DNAJA4: variants seen among roughly 807,000 people sequenced by gnomAD.
DNAJA4 encodes the protein DnaJ heat shock protein family (Hsp40) member A4, also known as dnaJ homolog subfamily A member 4.
Under a neutral mutation model 39.7 loss-of-function variants are expected in DNAJA4, and 32 were observed. The observed-to-expected ratio is 0.81, with a 90% confidence interval of 0.61 to 1.08. The LOEUF (loss-of-function observed/expected upper bound fraction) is 1.08, where lower values mean the gene tolerates loss of function less well. DNAJA4 is among the 50% of genes least tolerant of loss of function. The probability of loss-of-function intolerance (pLI) is 0.00; values close to 1 mark genes in which losing one functional copy is unlikely to be tolerated. For missense variants in DNAJA4, 439 were observed against 505.1 expected (o/e 0.87, Z 1.25); for synonymous variants, 184 against 182.4 (o/e 1.01, Z -0.07).
At position 78,279,909 on chromosome 15, in the gene DNAJA4, T is replaced by G; in HGVS notation, c.878-136T>G. 1.3e-6 allele frequency: 1 copy of G among 746,824 alleles called. No homozygotes were observed. The allele number at this position is 746,824 out of a possible 1,614,324, so 46.3% of individuals were successfully genotyped here. A position where few individuals can be genotyped will look rare whatever the true frequency, so the allele number is the denominator to read the frequency against. On this transcript the variant is annotated intron_variant, in intron 5 of 6. Transcript: ENST00000394852. The surrounding 1 kb of genome is among the most constrained non-coding windows in gnomAD (Gnocchi z 4.5). ...AAGGATACCTGGGATTGGGGCCAGC[T>G]TTCCAGTCAGATGCCACGTTTCCTT... is the stretch of plus-strand genomic sequence containing the variant.
At chr15:78,271,858 C>G (rs2049307093) in intron 2 of DNAJA4, among the ~76,000 whole-genome samples, 1 of 152,100 alleles carries the variant, frequency 6.6e-6, no homozygotes, top group South Asian at 2.1e-4. Flanking sequence ...TGAGCTCTGC[C>G]TTGGGGTTTA....
At position 78,264,589 on chromosome 15, in the gene DNAJA4, GGTCC is replaced by G. The variant is rs2049062014; in HGVS notation, c.-173_-170del. 2 of 1,180,950 alleles carry G rather than the reference GGTCC, an allele frequency of 1.7e-6. No individual in the cohort carries two copies. The highest frequency in any genetic ancestry group is 4.5e-5 in the Admixed American group (1 of 22,072). The allele number at this position is 1,180,950 out of a possible 1,614,324, so 73.2% of individuals were successfully genotyped here. ...TGCGGTGGAGCCAGGCGTGGAAGTC[GGTCC>G]GGCGCGGGGCGGGGGGCGGGCGGGA... On this transcript the variant is annotated 5_prime_UTR_variant, in exon 1 of 7. Coordinates refer to ENST00000394852, the MANE Select transcript of DNAJA4 (RefSeq NM_001130182.2).
chr15:78,268,707 C>G (rs546458256), intron 1 of DNAJA4, among the ~76,000 whole-genome samples: 1 of 152,180 alleles, frequency 6.6e-6, no homozygotes, highest in African/African-American at 2.4e-5. Flanking sequence ...TTCCCAGAAT[C>G]GAGCCATTCA....
chr15:78,264,401 G>T (rs1595920454), upstream of DNAJA4: 15 of 1,383,928 alleles, frequency 1.1e-5, no homozygotes, highest in Non-Finnish European at 1.4e-5. Context: ...CAGGTGAGCG[G>T]CTGGGCCGCG....
chr15:78,265,299 G>C (rs1213199611), intron 1 of DNAJA4, among the ~76,000 whole-genome samples: 3 of 152,234 alleles, frequency 2.0e-5, no homozygotes, highest in Admixed American at 2.0e-4. Context: ...TGCTGGGAAC[G>C]ACTGGCTCAT....
rs2049242315 is a variant in DNAJA4 at position 78,269,728 on chromosome 15, A to G, written c.133-769A>G. Reference sequence around the variant, plus strand: ...CCATTTTTTTTTTTCTCCCCTGTGCAGGATCTGATCCAGGATCACACATTG... The same window carrying G: ...CCATTTTTTTTTTTCTCCCCTGTGCGGGATCTGATCCAGGATCACACATTG... On this transcript the variant is annotated intron_variant, in intron 1 of 6. Transcript: ENST00000394852. Among the ~76,000 whole-genome samples, 3 of 152,002 alleles carry G rather than the reference A, an allele frequency of 2.0e-5. No individual in the cohort carries two copies. The South Asian group carries it at 6.3e-4, about 32-fold the overall frequency.
Position 78,274,380 on chromosome 15 carries a change from A to T in DNAJA4, c.602A>T (p.Lys201Met). 3 of 1,614,240 alleles carry T rather than the reference A, an allele frequency of 1.9e-6. No homozygotes were observed. Among genetic ancestry groups the T allele is most frequent in the Non-Finnish European group, 2.5e-6 (3 of 1,180,044 alleles). The change falls in exon 4 of 7, where the codon AAG becomes ATG. Residue 201 changes from lysine to methionine, a missense_variant. Physicochemically the swap from Lys to Met is moderately conservative, Grantham distance 95 (BLOSUM62 -1). Coordinates refer to ENST00000394852, the MANE Select transcript of DNAJA4 (RefSeq NM_001130182.2). ...KDRCESCSGAKVIREKKIIEV... is the reference protein window; with the variant it reads ...KDRCESCSGAMVIREKKIIEV... ...CGCTGCGAGAGCTGCAGCGGGGCCAAGGTGATCCGTGAGAAGAAGATTATC... is the reference window on the plus strand; with the variant it reads ...CGCTGCGAGAGCTGCAGCGGGGCCATGGTGATCCGTGAGAAGAAGATTATC...
chr15:78,280,167 G>T (rs944480343), intron 6 of DNAJA4, 22 bp downstream of exon 6: 2 of 1,612,424 alleles, frequency 1.2e-6, no homozygotes, highest in Non-Finnish European at 1.7e-6. Flanking sequence ...ATGTTTCATT[G>T]TCATGGACAT....
At chr15:78,274,493 A>G (rs1258432860) in intron 4 of DNAJA4, 69 bp downstream of exon 4, 6 of 1,374,030 alleles carry the variant, frequency 4.4e-6, no homozygotes, top group Non-Finnish European at 5.1e-6. Context: ...CGTGAGATAC[A>G]CAGACTAGAT....
At position 78,279,620 on chromosome 15, in the gene DNAJA4, G is replaced by C. The variant is rs925353506; in HGVS notation, c.878-425G>C. ...CAGTTTTTATGCCAGGCAGGGGACT[G>C]GTTGGACTCTATTGAGGCTTCTTCC... On this transcript the variant is annotated intron_variant, in intron 5 of 6. Coordinates refer to ENST00000394852, the MANE Select transcript of DNAJA4 (RefSeq NM_001130182.2). This position sits in a 1 kb window ranked among gnomAD's most constrained non-coding sequence, Gnocchi z 4.5. The C allele has an allele frequency of 5.6e-6, 1 of 177,040 alleles. No homozygotes were observed. The highest frequency in any genetic ancestry group is 2.4e-5 in the African/African-American group (1 of 42,200). 11.0% of individuals were successfully genotyped at this position (177,040 alleles called of 1,614,324 possible).
At chr15:78,274,512 A>C (rs1477190823) in intron 4 of DNAJA4, 88 bp downstream of exon 4, 1 of 1,160,938 alleles carries the variant, frequency 8.6e-7, no homozygotes. Context: ...ATGTCAGGGA[A>C]GTGAGCTGTA....
rs2141472780 is a variant in DNAJA4 at position 78,279,978 on chromosome 15, A to G, written c.878-67A>G. 1 of 1,470,992 alleles carries G rather than the reference A, an allele frequency of 6.8e-7. No individual in the cohort carries two copies. The highest frequency in any genetic ancestry group is 9.5e-7 in the Non-Finnish European group (1 of 1,057,682). 91.1% of individuals were successfully genotyped at this position (1,470,992 alleles called of 1,614,324 possible). On this transcript the variant is annotated intron_variant, in intron 5 of 6. Transcript: ENST00000394852. This position sits in a 1 kb window ranked among gnomAD's most constrained non-coding sequence, Gnocchi z 4.5. ...ACTAGGGCCTGCCGCAGGCTCTCCC[A>G]TGAGGGAGAACGACCTCTGCAGGCC...
chr15:78,273,400 G>A (rs56101048), intron 3 of DNAJA4, among the ~76,000 whole-genome samples: 7,571 of 152,302 alleles, frequency 0.05, 222 homozygotes, highest in Middle Eastern at 0.12. Context: ...TTGACATGTT[G>A]ACAATTATTT....
chr15:78,264,284 A>C (rs1046729212), upstream of DNAJA4: 60 of 1,358,270 alleles, frequency 4.4e-5, no homozygotes, highest in East Asian at 1.4e-3. Context: ...GGCGCCCTCC[A>C]GGCCCAAGCC....
At chr15:78,278,686 C>T (rs1419941258) in intron 5 of DNAJA4, among the ~76,000 whole-genome samples, 1 of 152,092 alleles carries the variant, frequency 6.6e-6, no homozygotes, top group Non-Finnish European at 1.5e-5. Flanking sequence ...GAGTCTCGCT[C>T]TGTCGCCCAG....
intron 5 of DNAJA4, among the ~76,000 whole-genome samples, chr15:78,278,590 G>C (rs2141467285): frequency 6.6e-6 from 1 of 152,296 alleles, no homozygotes; most frequent in African/African-American, 2.4e-5. Context: ...AAAGTTTGGT[G>C]TAATCTTTGC....
At position 78,281,874 on chromosome 15, in the gene DNAJA4, T is replaced by C. The variant is rs980078923; in HGVS notation, c.*1414T>C. ...CAGGTTCCCGCAAAACATTGCCAGC[T>C]AGTGAGGCATAATTTGCTCAAAGTA... On this transcript the variant is annotated 3_prime_UTR_variant, in exon 7 of 7. Coordinates refer to ENST00000394852, the MANE Select transcript of DNAJA4 (RefSeq NM_001130182.2). 2 of 152,214 alleles carry C rather than the reference T, an allele frequency of 1.3e-5. No homozygotes were observed. The highest frequency in any genetic ancestry group is 1.9e-4 in the East Asian group (1 of 5,196). The allele number at this position is 152,214 out of a possible 1,614,324, so 9.4% of individuals were successfully genotyped here. A position where few individuals can be genotyped will look rare whatever the true frequency, so the allele number is the denominator to read the frequency against.
At chr15:78,271,201 A>T (rs115547621) in intron 2 of DNAJA4, among the ~76,000 whole-genome samples, 1 of 152,366 alleles carries the variant, frequency 6.6e-6, no homozygotes, top group African/African-American at 2.4e-5. Context: ...CTCCAATACC[A>T]TATGAAGTAG....
Position 78,274,184 on chromosome 15 carries a change from C to T in DNAJA4, c.419-13C>T. ...GAGCATGGCCCTCATTCCTGCCTCC[C>T]CTGACCCTGCAGGTGTTGGTGGGAA... On this transcript the variant is annotated splice_polypyrimidine_tract_variant and intron_variant, in intron 3 of 6. Coordinates refer to ENST00000394852, the MANE Select transcript of DNAJA4 (RefSeq NM_001130182.2). 1.2e-6 allele frequency: 2 copies of T among 1,610,868 alleles called. No individual in the cohort carries two copies. Among genetic ancestry groups the T allele is most frequent in the Non-Finnish European group, 1.7e-6 (2 of 1,177,994 alleles).
Sources: allele counts gnomAD v4.1 joint callset (sites outside exome capture counted in the v4.1 genomes callset), GRCh38; gene constraint gnomAD v4.1.1; non-coding constraint Gnocchi (gnomAD v3.1); transcripts MANE v1.5; gene names NCBI Gene and HGNC (gene_info 2026-07-23, HGNC 2026-07-21).